Variants in PTPN4 observed in about 807,000 individuals in gnomAD.
The protein encoded by PTPN4 is protein tyrosine phosphatase non-receptor type 4, also known as tyrosine-protein phosphatase non-receptor type 4.
Under a neutral mutation model 135.5 loss-of-function variants are expected in PTPN4, and 49 were observed. The observed-to-expected ratio is 0.36, with a 90% CI of 0.29 to 0.46. The LOEUF (loss-of-function observed/expected upper bound fraction) is 0.46, where lower values mean the gene tolerates loss of function less well. Ranked by LOEUF, PTPN4 falls within the 20% of genes least tolerant of loss-of-function variation. The probability of loss-of-function intolerance (pLI) is 1.00; values close to 1 mark genes in which losing one functional copy is unlikely to be tolerated. For synonymous variants in PTPN4, 333 were observed against 369.9 expected, an observed-to-expected ratio of 0.90 and a Z score of 1.14; for missense variants, 860 against 1,101.0, an observed-to-expected ratio of 0.78 and a Z score of 3.10.
At chr2:119,955,944 TAATAAATA>T (rs200278968) in intron 20 of PTPN4, among the ~76,000 whole-genome samples, 1,510 of 148,846 alleles carry the variant, frequency 0.01, 22 homozygotes, top group African/African-American at 0.031. Context: ...CTCAAAAAAA[TAATAAATA>T]AATAAATAAA....
At chr2:119,823,383 C>T (rs542231536) in intron 2 of PTPN4, among the ~76,000 whole-genome samples, 33 of 152,106 alleles carry the variant, frequency 2.2e-4, no homozygotes, top group African/African-American at 6.7e-4. Flanking sequence ...TCCAGGTGCC[C>T]GCCACCACGC....
At chr2:119,973,217 A>G (rs1679562761) in intron 26 of PTPN4, among the ~76,000 whole-genome samples, 1 of 151,624 alleles carries the variant, frequency 6.6e-6, no homozygotes, top group Non-Finnish European at 1.5e-5. Flanking sequence ...TGTTCCTATG[A>G]GTTTGACTAC....
At chr2:119,941,121 A>G (rs1679056050) in intron 15 of PTPN4, among the ~76,000 whole-genome samples, 1 of 152,096 alleles carries the variant, frequency 6.6e-6, no homozygotes, top group South Asian at 2.1e-4. Context: ...GTGCACTTAG[A>G]AATAGTATTG....
At chr2:119,857,581 A>AG (rs1677700192) in intron 2 of PTPN4, among the ~76,000 whole-genome samples, 2 of 148,824 alleles carry the variant, frequency 1.3e-5, no homozygotes, top group African/African-American at 4.9e-5. Context: ...TACTAAAAGA[A>AG]AAAAAAAAAA....
At chr2:119,882,696 AAT>A in intron 8 of PTPN4, 73 bp downstream of exon 8, 1 of 1,211,772 alleles carries the variant, frequency 8.3e-7, no homozygotes, top group Non-Finnish European at 1.1e-6. Flanking sequence ...TTGAAATTCT[AAT>A]ATGATGGCTG....
intron 9 of PTPN4, among the ~76,000 whole-genome samples, chr2:119,890,681 A>G (rs1259038377): frequency 2.6e-5 from 4 of 151,904 alleles, no homozygotes; most frequent in Non-Finnish European, 5.9e-5. Flanking sequence ...TTCTTTACCC[A>G]TTAAGTTTTA....
chr2:119,853,666 A>G (rs1307244181), intron 2 of PTPN4, among the ~76,000 whole-genome samples: 1 of 152,200 alleles, frequency 6.6e-6, no homozygotes, highest in Non-Finnish European at 1.5e-5. Flanking sequence ...CATTAGGAGC[A>G]CATCAAATAG....
At chr2:119,813,540 C>G (rs1360491613) in intron 2 of PTPN4, among the ~76,000 whole-genome samples, 1 of 151,640 alleles carries the variant, frequency 6.6e-6, no homozygotes, top group Non-Finnish European at 1.5e-5. Context: ...AGCCACTGTG[C>G]CCGGTCACAG....
chr2:119,849,851 C>T lies in PTPN4; in HGVS notation c.139-12685C>T, dbSNP rs140485471. The stretch of plus-strand genomic sequence containing the variant: ...TAACTACCTCTGTCAGTTTCATATG[C>T]AGCTGTTAAGCTTCAATAATTATTG... On this transcript the variant is annotated intron_variant, in intron 2 of 26. Coordinates refer to ENST00000263708, the MANE Select transcript of PTPN4 (RefSeq NM_002830.4). 7.4e-3 allele frequency among the ~76,000 whole-genome samples: 1,133 copies of T among 152,348 alleles called. 17 individuals are homozygous for T. The highest frequency in any genetic ancestry group is 0.031 in the Admixed American group (474 of 15,304).
intron 1 of PTPN4, among the ~76,000 whole-genome samples, chr2:119,786,915 G>C (rs1691057317): frequency 6.6e-6 from 1 of 152,146 alleles, no homozygotes; most frequent in Non-Finnish European, 1.5e-5. Flanking sequence ...CACTGACCTG[G>C]TCCTACCTGG....
chr2:119,760,408 C>T, intron 1 of PTPN4, 24 bp downstream of exon 1: 1 of 387,428 alleles, frequency 2.6e-6, no homozygotes, highest in Non-Finnish European at 4.6e-6. Flanking sequence ...CGGTCCCCGC[C>T]GGCCTCTCGG....
At chr2:119,860,931 C>T (rs1677751574) in intron 2 of PTPN4, among the ~76,000 whole-genome samples, 1 of 151,712 alleles carries the variant, frequency 6.6e-6, no homozygotes, top group Non-Finnish European at 1.5e-5. Context: ...ATGCTGGCTA[C>T]TCAGGAGGCT....
intron 1 of PTPN4, among the ~76,000 whole-genome samples, chr2:119,762,060 A>G (rs141142566): frequency 6.6e-5 from 10 of 152,252 alleles, no homozygotes; most frequent in African/African-American, 2.2e-4. Context: ...ATAACACCCA[A>G]TTTCTAATTT....
At chr2:119,963,236 G>A (rs1000889370) in intron 24 of PTPN4, among the ~76,000 whole-genome samples, 1 of 152,210 alleles carries the variant, frequency 6.6e-6, no homozygotes, top group Non-Finnish European at 1.5e-5. Context: ...CAGATGGGGT[G>A]TAGATTTCTA....
intron 1 of PTPN4, among the ~76,000 whole-genome samples, chr2:119,766,681 A>G (rs1026575819): frequency 6.6e-6 from 1 of 152,188 alleles, no homozygotes; most frequent in Non-Finnish European, 1.5e-5. Flanking sequence ...TAATGATGCA[A>G]AGTTACAAGG....
At chr2:119,884,606 A>G (rs10185037) in intron 8 of PTPN4, among the ~76,000 whole-genome samples, 44,533 of 152,092 alleles carry the variant, frequency 0.29, 6,724 homozygotes, top group African/African-American at 0.36. Context: ...ATCAGAATCA[A>G]GAGTTTGAAG....
chr2:119,904,771 C>G (rs760265376), intron 10 of PTPN4, among the ~76,000 whole-genome samples: 10 of 152,080 alleles, frequency 6.6e-5, no homozygotes, highest in Non-Finnish European at 1.5e-4. Flanking sequence ...AGTAGAAATG[C>G]TGACTGAGGA....
chr2:119,858,244 A>G (rs750340575), intron 2 of PTPN4, among the ~76,000 whole-genome samples: 2 of 152,182 alleles, frequency 1.3e-5, no homozygotes, highest in Non-Finnish European at 2.9e-5. Context: ...GAACAGCCTA[A>G]CACATTTCCT....
Position 119,956,887 on chromosome 2 carries a change from A to G in PTPN4, c.2024A>G (p.Lys675Arg), listed in dbSNP as rs779465094. ...KKPGMTMSCAKLPQNISKNRY... is the reference protein window; with the variant it reads ...KKPGMTMSCARLPQNISKNRY... ...CCTGGAATGACAATGTCCTGTGCCA[A>G]ATTACCTCAGAATATTTCCAAAAAT... The change falls in exon 21 of 27, where the codon AAA (lysine) becomes AGA (arginine). Residue 675 changes from lysine (K) to arginine (R), a missense_variant. By Grantham distance (26) the Lys-to-Arg change is conservative. Around this residue, in one of 2 missense-constraint regions of PTPN4, gnomAD observed 684 missense variants for 807.0 expected, o/e 0.85. Transcript: ENST00000263708. 5.0e-6 allele frequency: 8 copies of G among 1,609,554 alleles called. No individual in the cohort carries two copies. Among genetic ancestry groups the G allele is most frequent in the East Asian group, 2.2e-5 (1 of 44,748 alleles).
Sources: gnomAD v4.1 joint callset for allele counts (sites outside exome capture counted in the v4.1 genomes callset) on GRCh38, gnomAD v4.1.1 for gene constraint, gnomAD v4.1.1 regional missense constraint, MANE v1.5 for transcripts, NCBI Gene and HGNC (gene_info 2026-07-23, HGNC 2026-07-21) for gene names.